Variants in SLC28A1 observed in about 807,000 individuals in gnomAD.
The protein encoded by SLC28A1 is solute carrier family 28 member 1.
In SLC28A1, 64 loss-of-function variants were observed where a neutral mutation model predicts 74.8. The observed-to-expected ratio is 0.86, with a 90% CI of 0.70 to 1.05. SLC28A1 has a LOEUF of 1.05. SLC28A1 is among the 50% of genes least tolerant of loss of function. The pLI, the probability that SLC28A1 is intolerant of heterozygous loss-of-function variation, is 0.00. For synonymous variants in SLC28A1, 359 were observed against 335.0 expected, an observed-to-expected ratio of 1.07 and a Z score of -0.78; for missense variants, 828 against 822.8, an observed-to-expected ratio of 1.01 and a Z score of -0.08.
intron 15 of SLC28A1, among the ~76,000 whole-genome samples, chr15:84,939,985 G>A (rs982525450): frequency 2.0e-5 from 3 of 152,044 alleles, no homozygotes; most frequent in African/African-American, 7.2e-5. Context: ...CACCACACCT[G>A]GCTAACTAAC....
At chr15:84,903,280 G>C (rs1207134587) in intron 6 of SLC28A1, among the ~76,000 whole-genome samples, 2 of 152,258 alleles carry the variant, frequency 1.3e-5, no homozygotes, top group Non-Finnish European at 2.9e-5. Context: ...TGCTTCCAGA[G>C]TGCCTGGGTT....
intron 6 of SLC28A1, among the ~76,000 whole-genome samples, chr15:84,901,075 A>C (rs919174215): frequency 3.3e-5 from 5 of 152,178 alleles, no homozygotes; most frequent in African/African-American, 1.2e-4. Flanking sequence ...TACAAAAATT[A>C]GCTGGGCGTA....
chr15:84,918,993 AC>A (rs1328241580), intron 10 of SLC28A1, among the ~76,000 whole-genome samples: 67 of 151,666 alleles, frequency 4.4e-4, no homozygotes, highest in African/African-American at 1.5e-3. Context: ...CAGGATCTTC[AC>A]CCTCACAGAA....
At chr15:84,933,091 T>A in intron 12 of SLC28A1, 54 bp from the exon 13 acceptor site, 1 of 1,606,164 alleles carries the variant, frequency 6.2e-7, no homozygotes, top group Non-Finnish European at 8.5e-7. Flanking sequence ...CACTCCTTGG[T>A]CGCCAGCATT....
At chr15:84,943,795 G>A (rs532535583) in intron 16 of SLC28A1, among the ~76,000 whole-genome samples, 2 of 152,224 alleles carry the variant, frequency 1.3e-5, no homozygotes, top group South Asian at 2.1e-4. Flanking sequence ...CAGGCGTGGT[G>A]GTGCACGCCT....
Position 84,943,506 on chromosome 15 carries a change from G to C in SLC28A1, c.1643G>C (p.Gly548Ala). The C allele has an allele frequency of 6.2e-7, 1 of 1,613,960 alleles. No individual in the cohort carries two copies. The highest frequency in any genetic ancestry group is 8.5e-7 in the Non-Finnish European group (1 of 1,179,824). ...GGATTTGCCAATTTCAGCTCCATTG[G>C]GATCATGCTGGGAGGCTTGAGTGAG... ...LCGFANFSSI[G>A]IMLGGLTSMV... Residue 548 changes from glycine to alanine, a missense_variant, in exon 16 of 19, where the codon GGG becomes GCG. Physicochemically the swap from Gly to Ala is moderately conservative, Grantham distance 60. Transcript: ENST00000394573.
chr15:84,958,306 C>T, the SLC28A1 span, among the ~76,000 whole-genome samples: 4,194 of 152,250 alleles, frequency 0.028, 338 homozygotes, highest in Admixed American at 0.16. Flanking sequence ...TGCTGCTGCT[C>T]AGCTGTCACC....
rs1219338721 is a variant in SLC28A1, at chr15:84,904,243, G to C, written c.603+5G>C. On this transcript the variant is annotated splice_donor_5th_base_variant and intron_variant, in intron 7 of 18. Transcript: ENST00000394573. Reference sequence around the variant, plus strand: ...TGCTCAAAGCATCATTGCGCAGTGAGTGCTAGTTGTGGGGCCCAGGGCTGG... The same window carrying C: ...TGCTCAAAGCATCATTGCGCAGTGACTGCTAGTTGTGGGGCCCAGGGCTGG... 1 of 1,613,700 alleles carries C rather than the reference G, an allele frequency of 6.2e-7. No homozygotes were observed. The highest frequency in any genetic ancestry group is 1.3e-5 in the African/African-American group (1 of 75,064).
At chr15:84,965,362 T>A in the SLC28A1 span, among the ~76,000 whole-genome samples, 111 of 152,330 alleles carry the variant, frequency 7.3e-4, no homozygotes, top group African/African-American at 2.2e-3. Context: ...CAGTCTCAAG[T>A]ATTTCTTCAT....
chr15:84,959,130 G>T, the SLC28A1 span, among the ~76,000 whole-genome samples: 1 of 146,954 alleles, frequency 6.8e-6, no homozygotes, highest in East Asian at 2.0e-4. Flanking sequence ...AAGAGATGAG[G>T]TCTCACTCTG....
intron 1 of SLC28A1, among the ~76,000 whole-genome samples, chr15:84,885,247 C>T (rs1964450589): frequency 2.0e-5 from 3 of 150,974 alleles, no homozygotes; most frequent in Admixed American, 2.0e-4. Flanking sequence ...GCATGAGCCA[C>T]CGTGCCCCCC....
intron 9 of SLC28A1, among the ~76,000 whole-genome samples, chr15:84,915,131 T>A (rs961238230): frequency 6.6e-6 from 1 of 151,886 alleles, no homozygotes; most frequent in Admixed American, 6.6e-5. Flanking sequence ...GTCCCAGGAG[T>A]GTGGGATGAT....
intron 9 of SLC28A1, among the ~76,000 whole-genome samples, chr15:84,913,704 G>A (rs1968680400): frequency 6.6e-6 from 1 of 152,200 alleles, no homozygotes; most frequent in Non-Finnish European, 1.5e-5. Context: ...TTTCTACAAG[G>A]CAGTGGTCAG....
At chr15:84,968,209 G>A in the SLC28A1 span, among the ~76,000 whole-genome samples, 1 of 152,184 alleles carries the variant, frequency 6.6e-6, no homozygotes, top group Non-Finnish European at 1.5e-5. Flanking sequence ...CTTCCTGGTT[G>A]AGCCTCAGTT....
chr15:84,904,792 GT>G (rs1966872902), intron 7 of SLC28A1, among the ~76,000 whole-genome samples: 2 of 87,474 alleles, frequency 2.3e-5, no homozygotes, highest in Non-Finnish European at 4.5e-5. Flanking sequence ...ATTCTGATGT[GT>G]ACTAAATTCT....
chr15:84,946,112 A>ATATATATAT (rs57190791), downstream of SLC28A1, among the ~76,000 whole-genome samples: 3 of 13,476 alleles, frequency 2.2e-4, no homozygotes, highest in East Asian at 5.2e-3. Flanking sequence ...ATATATATAT[A>ATATATATAT]TTTTTTTTTT....
chr15:84,895,944 G>C lies in SLC28A1; in HGVS notation c.461+821G>C, dbSNP rs1965959765. ...TCCACATACCACAGCAAAATGATTT[G>C]AGCCAGCCTGTGGATGAACACATTT... On this transcript the variant is annotated intron_variant, in intron 6 of 18. Transcript: ENST00000394573. 10 of 987,868 alleles carry C rather than the reference G, an allele frequency of 1.0e-5. No individual in the cohort carries two copies. The South Asian group carries it at 3.7e-4, about 36-fold the overall frequency. The allele number at this position is 987,868 out of a possible 1,614,324, so 61.2% of individuals were successfully genotyped here.
intron 16 of SLC28A1, among the ~76,000 whole-genome samples, chr15:84,944,017 G>A (rs1973013419): frequency 6.6e-6 from 1 of 152,238 alleles, no homozygotes; most frequent in Admixed American, 6.5e-5. Flanking sequence ...GGCCTTGAAG[G>A]CCAAGCCTGG....
At chr15:84,889,652 T>C (rs1248508420) in intron 4 of SLC28A1, among the ~76,000 whole-genome samples, 1 of 150,590 alleles carries the variant, frequency 6.6e-6, no homozygotes, top group Non-Finnish European at 1.5e-5. Context: ...TCTTTTCCTT[T>C]TTCTTTTCTT....
Sources: allele counts gnomAD v4.1 joint callset (sites outside exome capture counted in the v4.1 genomes callset), GRCh38; gene constraint gnomAD v4.1.1; transcripts MANE v1.5; gene names NCBI Gene and HGNC (gene_info 2026-07-23, HGNC 2026-07-21).